The following JAM3 variants were observed in gnomAD, a reference collection of about 807,000 sequenced individuals.
The protein encoded by JAM3 is junctional adhesion molecule C.
Under a neutral mutation model 39.4 loss-of-function variants are expected in JAM3, and 31 were observed. That is an observed-to-expected ratio of 0.79 (90% CI 0.59 to 1.06). The LOEUF is 1.06. Among genes scored for constraint, JAM3 ranks in the 50% least tolerant of loss-of-function variants. The pLI is 0.00. For synonymous variants in JAM3, 182 were observed against 148.7 expected (o/e 1.22, Z -1.63); for missense variants, 455 against 391.4 (o/e 1.16, Z -1.37).
intron 1 of JAM3, among the ~76,000 whole-genome samples, chr11:134,104,398 G>C (rs1490902425): frequency 4.6e-5 from 7 of 152,124 alleles, no homozygotes; most frequent in African/African-American, 1.7e-4. Flanking sequence ...GCCCACAAGA[G>C]AAAGCAGGAA....
intron 1 of JAM3, among the ~76,000 whole-genome samples, chr11:134,094,829 A>G (rs1258567753): frequency 1.3e-5 from 2 of 152,250 alleles, no homozygotes; most frequent in Non-Finnish European, 2.9e-5. Context: ...GGCAGGGACC[A>G]TGACAGTAGG....
At chr11:134,102,952 A>G (rs905479083) in intron 1 of JAM3, among the ~76,000 whole-genome samples, 9 of 152,228 alleles carry the variant, frequency 5.9e-5, no homozygotes, top group African/African-American at 2.2e-4. Context: ...GATATTATCC[A>G]GGAGAACTTC....
At chr11:134,118,270 C>T (rs1422938016) in intron 1 of JAM3, among the ~76,000 whole-genome samples, 1 of 152,092 alleles carries the variant, frequency 6.6e-6, no homozygotes, top group East Asian at 1.9e-4. Context: ...TGCTTTAGAG[C>T]CAAGAATATT....
intron 1 of JAM3, among the ~76,000 whole-genome samples, chr11:134,094,199 C>T (rs1941931732): frequency 7.2e-6 from 1 of 138,640 alleles, no homozygotes; most frequent in South Asian, 2.6e-4. Context: ...TCATCATGTT[C>T]CACCTTACAT....
intron 6 of JAM3, 129 bp from the exon 7 acceptor site, chr11:134,148,418 C>T: frequency 9.4e-7 from 1 of 1,059,556 alleles, no homozygotes; most frequent in Non-Finnish European, 1.5e-6. Context: ...TCTCTTCTAG[C>T]TGGGGTAGGC....
chr11:134,149,807 A>T lies in JAM3; in HGVS notation c.*626A>T. On this transcript the variant is annotated 3_prime_UTR_variant, in exon 9 of 9. Coordinates refer to ENST00000299106, the MANE Select transcript of JAM3 (RefSeq NM_032801.5). ...GTTGCTGGAAGAGGGATCTTGCCTGAGGAACCCTGCTTGTCCAACAGGGTG... is the reference window on the plus strand; with the variant it reads ...GTTGCTGGAAGAGGGATCTTGCCTGTGGAACCCTGCTTGTCCAACAGGGTG... The T allele has an allele frequency of 7.7e-6, 3 of 389,132 alleles. No individual in the cohort carries two copies. The highest frequency in any genetic ancestry group is 1.0e-5 in the Non-Finnish European group (2 of 193,134). The allele number at this position is 389,132 out of a possible 1,614,324, so 24.1% of individuals were successfully genotyped here.
At chr11:134,106,048 A>C (rs1591785311) in intron 1 of JAM3, among the ~76,000 whole-genome samples, 1 of 152,206 alleles carries the variant, frequency 6.6e-6, no homozygotes, top group African/African-American at 2.4e-5. Context: ...CAAGTCAATA[A>C]TAAGCCAAAA....
chr11:134,092,687 GC>G (rs1240841122), intron 1 of JAM3, among the ~76,000 whole-genome samples: 16 of 103,850 alleles, frequency 1.5e-4, no homozygotes, highest in African/African-American at 6.3e-4. Context: ...CTTCTCCTGA[GC>G]CCTCCTTATT....
At chr11:134,113,641 C>T (rs1401470298) in intron 1 of JAM3, among the ~76,000 whole-genome samples, 7 of 152,080 alleles carry the variant, frequency 4.6e-5, no homozygotes, top group Non-Finnish European at 7.3e-5. Flanking sequence ...TGAATAGTGC[C>T]GCAATAAACA....
At chr11:134,075,745 T>C (rs1388902863) in intron 1 of JAM3, among the ~76,000 whole-genome samples, 2 of 152,174 alleles carry the variant, frequency 1.3e-5, no homozygotes, top group African/African-American at 4.8e-5. Flanking sequence ...TTTTCAGTTA[T>C]TCTACTTGTT....
chr11:134,113,016 G>A (rs1942347470), intron 1 of JAM3, among the ~76,000 whole-genome samples: 1 of 152,134 alleles, frequency 6.6e-6, no homozygotes, highest in Non-Finnish European at 1.5e-5. Flanking sequence ...CCAGTCCAGT[G>A]CACTCTGGGA....
At chr11:134,107,787 C>G (rs920188323) in intron 1 of JAM3, among the ~76,000 whole-genome samples, 1 of 151,932 alleles carries the variant, frequency 6.6e-6, no homozygotes, top group African/African-American at 2.4e-5. Context: ...TGCTTGGTCC[C>G]AGGAAATTGA....
chr11:134,144,514 G>A, intron 4 of JAM3, 121 bp downstream of exon 4: 3 of 1,213,910 alleles, frequency 2.5e-6, no homozygotes, highest in Non-Finnish European at 3.6e-6. Flanking sequence ...AGGGAGGGGA[G>A]AACTGTTGAG....
Position 134,150,977 on chromosome 11 carries a change from G to C in JAM3, c.*1796G>C, listed in dbSNP as rs1045569848. 2.0e-5 allele frequency: 3 copies of C among 152,194 alleles called. No individual in the cohort carries two copies. The highest frequency in any genetic ancestry group is 4.4e-5 in the Non-Finnish European group (3 of 68,042). The allele number at this position is 152,194 out of a possible 1,614,324, so 9.4% of individuals were successfully genotyped here. ...CGCCGGAGACACTGCTCCCATTTGT[G>C]GGGGGACATTAGCAACATCACTCAG... is the stretch of plus-strand genomic sequence containing the variant. On this transcript the variant is annotated 3_prime_UTR_variant, in exon 9 of 9. Transcript: ENST00000299106.
At chr11:134,104,139 A>T (rs528826135) in intron 1 of JAM3, among the ~76,000 whole-genome samples, 1 of 152,350 alleles carries the variant, frequency 6.6e-6, no homozygotes, top group Admixed American at 6.5e-5. Flanking sequence ...GTAAAATAAC[A>T]GAAATTATAA....
chr11:134,085,356 T>G (rs1941731189), intron 1 of JAM3, among the ~76,000 whole-genome samples: 1 of 152,216 alleles, frequency 6.6e-6, no homozygotes, highest in African/African-American at 2.4e-5. Context: ...TTAACTATTA[T>G]TTCCTAGGCA....
chr11:134,072,850 C>T (rs1488295930), intron 1 of JAM3, among the ~76,000 whole-genome samples: 1 of 152,048 alleles, frequency 6.6e-6, no homozygotes, highest in Admixed American at 6.6e-5. Context: ...GTGGAGGTTG[C>T]AGTGAGCTGA....
intron 1 of JAM3, among the ~76,000 whole-genome samples, chr11:134,077,324 G>A (rs1941585817): frequency 6.7e-6 from 1 of 149,568 alleles, no homozygotes. Flanking sequence ...TTTTTCTTAA[G>A]TTCCTTATAG....
intron 1 of JAM3, among the ~76,000 whole-genome samples, chr11:134,113,927 A>G (rs1942369500): frequency 6.6e-6 from 1 of 152,116 alleles, no homozygotes; most frequent in South Asian, 2.1e-4. Flanking sequence ...TTTGATGTGC[A>G]TTTGTCTGAT....
Sources: gnomAD v4.1 joint callset for allele counts (sites outside exome capture counted in the v4.1 genomes callset) on GRCh38, gnomAD v4.1.1 for gene constraint, MANE v1.5 for transcripts, NCBI Gene and HGNC (gene_info 2026-07-23, HGNC 2026-07-21) for gene names.